Variants in ANKRD6 observed in about 807,000 individuals in gnomAD.
The protein encoded by ANKRD6 is ankyrin repeat domain-containing protein 6.
ANKRD6 carries 56 observed loss-of-function variants against 82.3 expected under a neutral mutation model. That is an observed-to-expected ratio of 0.68 (90% confidence interval 0.55 to 0.85). The LOEUF is 0.85. Ranked by LOEUF, ANKRD6 falls within the 40% of genes least tolerant of loss-of-function variation. The pLI is 0.00. For synonymous variants in ANKRD6, 347 were observed against 352.1 expected (o/e 0.99, Z 0.16); for missense variants, 852 against 907.6 (o/e 0.94, Z 0.79).
chr6:89,598,210 A>C, intron 3 of ANKRD6: 3 of 985,334 alleles, frequency 3.0e-6, no homozygotes, highest in Non-Finnish European at 3.6e-6. Context: ...AGATTATGCA[A>C]CTCCAGGAGC....
chr6:89,443,775 C>G (rs983588259), intron 1 of ANKRD6, among the ~76,000 whole-genome samples: 2 of 152,250 alleles, frequency 1.3e-5, no homozygotes, highest in African/African-American at 4.8e-5. Flanking sequence ...GTTCTTGTCT[C>G]AACCAGCATT....
chr6:89,480,786 G>GT (rs967621325), intron 1 of ANKRD6, among the ~76,000 whole-genome samples: 1,853 of 144,574 alleles, frequency 0.013, 44 homozygotes, highest in African/African-American at 0.044. Flanking sequence ...TTTTTTTTTT[G>GT]TTTTTTTTTG....
intron 1 of ANKRD6, among the ~76,000 whole-genome samples, chr6:89,481,802 A>G (rs1305503189): frequency 6.6e-6 from 1 of 152,014 alleles, no homozygotes; most frequent in East Asian, 1.9e-4. Flanking sequence ...CTGATACTGT[A>G]CCACTGATAG....
intron 1 of ANKRD6, among the ~76,000 whole-genome samples, chr6:89,486,755 C>T (rs1232713138): frequency 6.6e-6 from 1 of 152,160 alleles, no homozygotes; most frequent in Non-Finnish European, 1.5e-5. Flanking sequence ...GTGCGAGCCA[C>T]CCTGGTTCAG....
chr6:89,476,859 G>A (rs1343594796), intron 1 of ANKRD6, among the ~76,000 whole-genome samples: 1 of 152,156 alleles, frequency 6.6e-6, no homozygotes, highest in Non-Finnish European at 1.5e-5. Context: ...CTGCAACCAT[G>A]CTATTTGTGA....
At chr6:89,583,663 A>G (rs989134998) in intron 2 of ANKRD6, among the ~76,000 whole-genome samples, 1 of 152,252 alleles carries the variant, frequency 6.6e-6, no homozygotes, top group African/African-American at 2.4e-5. Flanking sequence ...TAACTCAAGC[A>G]TCTTAGGAGA....
intron 1 of ANKRD6, among the ~76,000 whole-genome samples, chr6:89,486,348 T>G (rs1562613329): frequency 6.6e-6 from 1 of 152,034 alleles, no homozygotes; most frequent in Non-Finnish European, 1.5e-5. Context: ...AAAAATTATA[T>G]AAATAAAAAT....
In ANKRD6 at chr6:89,630,559, C is replaced by G. The variant is rs767489412; in HGVS notation, c.1739C>G (p.Ser580Cys). ...CAGAGACTCCAGCAGGAGCTGTCGT[C>G]TTCTGACTGTACAGGCTCCCGACTG... ...ATQRLQQELSSSDCTGSRLRN... is the reference protein window; with the variant it reads ...ATQRLQQELSCSDCTGSRLRN... Residue 580 changes from serine (S) to cysteine (C), a missense_variant, in exon 16 of 16, where the codon TCT becomes TGT. Transcript: ENST00000339746. 2.5e-6 allele frequency: 4 copies of G among 1,613,850 alleles called. No individual in the cohort carries two copies. The South Asian group carries it at 4.4e-5, about 18-fold the overall frequency.
chr6:89,477,866 A>G (rs994046867), intron 1 of ANKRD6, among the ~76,000 whole-genome samples: 2 of 152,096 alleles, frequency 1.3e-5, no homozygotes, highest in Non-Finnish European at 2.9e-5. Context: ...GTCTTACCAT[A>G]TACATACATT....
intron 1 of ANKRD6, among the ~76,000 whole-genome samples, chr6:89,448,503 A>C (rs972471240): frequency 4.6e-5 from 7 of 152,084 alleles, no homozygotes; most frequent in Non-Finnish European, 1.5e-5. Context: ...AGCAAAGCCC[A>C]GATGACAGTA....
At chr6:89,517,192 T>A (rs769399643) in intron 1 of ANKRD6, among the ~76,000 whole-genome samples, 16 of 152,218 alleles carry the variant, frequency 1.1e-4, no homozygotes, top group Non-Finnish European at 2.2e-4. Context: ...TAAGCCACCA[T>A]GTTTGTGTAA....
intron 13 of ANKRD6, among the ~76,000 whole-genome samples, chr6:89,626,578 C>T (rs1392011199): frequency 1.3e-5 from 2 of 152,228 alleles, no homozygotes; most frequent in East Asian, 1.9e-4. Flanking sequence ...GTCTCCAGAA[C>T]GGATGTTTCT....
chr6:89,470,482 A>G (rs1159426915), intron 1 of ANKRD6, among the ~76,000 whole-genome samples: 3 of 152,150 alleles, frequency 2.0e-5, no homozygotes, highest in Non-Finnish European at 4.4e-5. Context: ...TTAGCCAGGC[A>G]TGGTGATGAG....
At chr6:89,536,221 CTG>C (rs1254618857) in intron 1 of ANKRD6, among the ~76,000 whole-genome samples, 3 of 152,222 alleles carry the variant, frequency 2.0e-5, no homozygotes, top group Non-Finnish European at 4.4e-5. Flanking sequence ...AGTAGCGAGA[CTG>C]TTTCAGAAAG....
At chr6:89,576,791 C>T (rs1369803847) in intron 2 of ANKRD6, among the ~76,000 whole-genome samples, 1 of 152,156 alleles carries the variant, frequency 6.6e-6, no homozygotes, top group Non-Finnish European at 1.5e-5. Flanking sequence ...ATTGGCTTTC[C>T]TCAGGCCCTC....
At chr6:89,479,033 A>G (rs563433541) in intron 1 of ANKRD6, among the ~76,000 whole-genome samples, 3 of 152,258 alleles carry the variant, frequency 2.0e-5, no homozygotes, top group East Asian at 1.9e-4. Flanking sequence ...ATTTGGATGA[A>G]TATTTACTTT....
chr6:89,585,528 A>C lies in ANKRD6; in HGVS notation c.121-10388A>C, dbSNP rs545029898. ...ATTTGACCACAAATTTATAAATCAC[A>C]AAAAATGGGCCCAAGAATAAGCAGA... On this transcript the variant is annotated intron_variant, in intron 2 of 15. Transcript: ENST00000339746. Among the ~76,000 whole-genome samples, 4 of 152,352 alleles carry C rather than the reference A, an allele frequency of 2.6e-5. No individual in the cohort carries two copies. In the East Asian group the frequency reaches 7.7e-4, roughly 30 times the overall value.
chr6:89,613,351 C>A (rs1002750704), intron 6 of ANKRD6, among the ~76,000 whole-genome samples: 7 of 152,208 alleles, frequency 4.6e-5, no homozygotes, highest in Admixed American at 1.3e-4. Flanking sequence ...CCCTGCTGCC[C>A]TGTCCTTTCA....
chr6:89,449,148 T>A (rs981906918), intron 1 of ANKRD6, among the ~76,000 whole-genome samples: 2 of 152,240 alleles, frequency 1.3e-5, no homozygotes, highest in South Asian at 2.1e-4. Context: ...GGATTCACCT[T>A]TGTAGATGCC....
Sources: allele counts gnomAD v4.1 joint callset (sites outside exome capture counted in the v4.1 genomes callset), GRCh38; gene constraint gnomAD v4.1.1; transcripts MANE v1.5; gene names NCBI Gene and HGNC (gene_info 2026-07-23, HGNC 2026-07-21).